ANK3: variants seen among roughly 807,000 people sequenced by gnomAD.
The protein encoded by ANK3 is ankyrin 3, also known as ankyrin-3.
Under a neutral mutation model 370.9 loss-of-function variants are expected in ANK3, and 57 were observed. The ratio of observed to expected loss-of-function variants is 0.15; its 90% CI spans 0.12 to 0.19. The LOEUF is 0.19. Among genes scored for constraint, ANK3 ranks in the 10% least tolerant of loss-of-function variants. ANK3 has a pLI of 1.00. For synonymous variants in ANK3, 1,929 were observed against 1,946.3 expected, an observed-to-expected ratio of 0.99 and a Z score of 0.23; for missense variants, 4,439 against 5,302.1, an observed-to-expected ratio of 0.84 and a Z score of 5.06.
At chr10:60,179,326 C>G (rs1323414952) in intron 18 of ANK3, among the ~76,000 whole-genome samples, 5 of 152,192 alleles carry the variant, frequency 3.3e-5, no homozygotes, top group South Asian at 2.1e-4. Flanking sequence ...GAGATGCTTT[C>G]TGAAGTGAGA....
At chr10:60,691,768 G>T (rs2079356466) in intron 1 of ANK3, among the ~76,000 whole-genome samples, 1 of 152,092 alleles carries the variant, frequency 6.6e-6, no homozygotes, top group Admixed American at 6.5e-5. Flanking sequence ...CTAACCCTGG[G>T]CTTTCACCTG....
chr10:60,398,335 T>C (rs1421920729), intron 2 of ANK3, among the ~76,000 whole-genome samples: 3 of 152,180 alleles, frequency 2.0e-5, no homozygotes, highest in Non-Finnish European at 2.9e-5. Context: ...TCTTCTGAGG[T>C]AGCACATTGT....
chr10:60,640,519 CAG>C (rs757165722), intron 1 of ANK3, among the ~76,000 whole-genome samples: 10 of 112,944 alleles, frequency 8.9e-5, no homozygotes, highest in Non-Finnish European at 1.7e-4. Context: ...AGCATACAAA[CAG>C]AGCCAAAGAC....
intron 2 of ANK3, among the ~76,000 whole-genome samples, chr10:60,437,131 T>C (rs905768487): frequency 5.9e-5 from 9 of 152,188 alleles, no homozygotes; most frequent in Admixed American, 5.9e-4. Flanking sequence ...GCATTACAAA[T>C]TCACAATTAC....
chr10:60,417,240 T>C (rs776345339), intron 2 of ANK3, among the ~76,000 whole-genome samples: 16 of 152,196 alleles, frequency 1.1e-4, no homozygotes, highest in Non-Finnish European at 1.8e-4. Flanking sequence ...ATAAAGGTTC[T>C]GGAAGATGTC....
intron 7 of ANK3, among the ~76,000 whole-genome samples, chr10:60,240,167 T>TATATACAC (rs1246871282): frequency 4.6e-5 from 6 of 129,184 alleles, no homozygotes; most frequent in South Asian, 2.3e-4. Context: ...TATATACACA[T>TATATACAC]ATATATACAT....
At chr10:60,107,010 G>C (rs2132089396) in intron 27 of ANK3, among the ~76,000 whole-genome samples, 1 of 152,184 alleles carries the variant, frequency 6.6e-6, no homozygotes, top group East Asian at 1.9e-4. Context: ...AGAAGATACA[G>C]GCTTAAGTAA....
intron 26 of ANK3, among the ~76,000 whole-genome samples, chr10:60,110,403 G>T (rs985690734): frequency 4.6e-5 from 7 of 152,030 alleles, no homozygotes; most frequent in Non-Finnish European, 7.4e-5. Context: ...GCTCATTTTG[G>T]ATTTAACCAT....
chr10:60,393,419 G>A (rs1483882987), upstream of ANK3, among the ~76,000 whole-genome samples: 1 of 152,162 alleles, frequency 6.6e-6, no homozygotes, highest in Non-Finnish European at 1.5e-5. Context: ...CAAGTTTCAT[G>A]TAGAGTGCTT....
chr10:60,516,928 C>T (rs897983906), intron 2 of ANK3, among the ~76,000 whole-genome samples: 1 of 151,984 alleles, frequency 6.6e-6, no homozygotes, highest in Non-Finnish European at 1.5e-5. Context: ...TTGATCGTTG[C>T]AGACTAAGGA....
chr10:60,570,535 C>T (rs1274529419), intron 2 of ANK3, among the ~76,000 whole-genome samples: 1 of 151,940 alleles, frequency 6.6e-6, no homozygotes, highest in African/African-American at 2.4e-5. Context: ...AAACCCTGGT[C>T]TGGATAGAGT....
At chr10:60,375,227 G>T (rs1319174644) in intron 1 of ANK3, among the ~76,000 whole-genome samples, 1 of 152,118 alleles carries the variant, frequency 6.6e-6, no homozygotes, top group Non-Finnish European at 1.5e-5. Context: ...GAGTACTAGG[G>T]GCACAACAGG....
In ANK3 at chr10:60,694,084, G is replaced by A. The variant is rs564899230; in HGVS notation, c.57+39179C>T. Among the ~76,000 whole-genome samples, 157 of 152,162 alleles carry A rather than the reference G, an allele frequency of 1.0e-3. 1 individual carries two copies. Among genetic ancestry groups the A allele is most frequent in the Middle Eastern group, 6.8e-3 (2 of 294 alleles). ...CTGATGGAGCTGAAAACCAAGGCTC[G>A]AGAACTATGTGAAGAATGCAGAAGC... On this transcript the variant is annotated intron_variant, in intron 1 of 43. Coordinates refer to the ANK3 transcript ENST00000373827.
intron 10 of ANK3, among the ~76,000 whole-genome samples, 191 bp downstream of exon 10, chr10:60,207,845 C>T (rs1187658501): frequency 6.6e-6 from 1 of 152,144 alleles, no homozygotes; most frequent in Non-Finnish European, 1.5e-5. Context: ...AGTTTGGCTC[C>T]CTCAGCCTTT....
intron 23 of ANK3, 45 bp from the exon 24 acceptor site, chr10:60,139,132 A>C: frequency 6.3e-7 from 1 of 1,599,480 alleles, no homozygotes; most frequent in Middle Eastern, 1.7e-4. Flanking sequence ...TTCCCTTTTG[A>C]AAGTGTCAGC....
At chr10:60,218,421 G>A (rs112149173) in intron 8 of ANK3, among the ~76,000 whole-genome samples, 209 of 152,144 alleles carry the variant, frequency 1.4e-3, no homozygotes, top group African/African-American at 4.7e-3. Context: ...GGCTGGTACT[G>A]GTTTTTCCTT....
intron 2 of ANK3, among the ~76,000 whole-genome samples, chr10:60,467,916 C>A (rs1377741805): frequency 6.7e-6 from 1 of 149,720 alleles, no homozygotes; most frequent in African/African-American, 2.5e-5. Flanking sequence ...TACATAAACA[C>A]AATGTGAAAT....
At chr10:60,672,665 CT>C (rs2079076570) in intron 1 of ANK3, among the ~76,000 whole-genome samples, 1 of 152,160 alleles carries the variant, frequency 6.6e-6, no homozygotes, top group African/African-American at 2.4e-5. Context: ...ATGTGTTTCT[CT>C]GAGTTCTGCT....
chr10:60,070,702 T>C lies in ANK3; in HGVS notation c.10179A>G (p.Thr3393=). The C allele has an allele frequency of 1.2e-6, 2 of 1,614,224 alleles. No individual in the cohort carries two copies. Among genetic ancestry groups the C allele is most frequent in the Non-Finnish European group, 1.7e-6 (2 of 1,180,028 alleles). Residue 3393 remains threonine (T), a synonymous_variant, in exon 37 of 44, where the codon ACA becomes ACG. Transcript: ENST00000280772. The surrounding 1 kb of genome is among the most constrained non-coding windows in gnomAD (Gnocchi z 5.7). ...CTGCTGTGGTGGCAATGGAACACTCTGTGATGGACTGGTCGTTGTTCCCAT... is the reference window on the plus strand; with the variant it reads ...CTGCTGTGGTGGCAATGGAACACTCCGTGATGGACTGGTCGTTGTTCCCAT... ...AQNGNNDQSI[T]ECSIATTAEF...
Sources: gnomAD v4.1 joint callset for allele counts (sites outside exome capture counted in the v4.1 genomes callset) on GRCh38, gnomAD v4.1.1 for gene constraint, Gnocchi (gnomAD v3.1) non-coding constraint, MANE v1.5 for transcripts, NCBI Gene and HGNC (gene_info 2026-07-23, HGNC 2026-07-21) for gene names.